Variants in ZFPM2 observed in about 807,000 individuals in gnomAD.
ZFPM2 encodes zinc finger protein, FOG family member 2.
ZFPM2 carries 20 observed loss-of-function variants against 98.6 expected under a neutral mutation model. The ratio of observed to expected loss-of-function variants is 0.20; its 90% CI spans 0.14 to 0.29. The LOEUF is 0.29. ZFPM2 is among the 10% of genes least tolerant of loss of function. The probability of loss-of-function intolerance (pLI) is 1.00; values close to 1 mark genes in which losing one functional copy is unlikely to be tolerated. For synonymous variants in ZFPM2, 518 were observed against 502.7 expected, an observed-to-expected ratio of 1.03 and a Z score of -0.41; for missense variants, 1,310 against 1,388.6, an observed-to-expected ratio of 0.94 and a Z score of 0.90.
intron 5 of ZFPM2, among the ~76,000 whole-genome samples, chr8:105,757,626 T>A (rs1201731266): frequency 6.6e-6 from 1 of 152,186 alleles, no homozygotes; most frequent in East Asian, 1.9e-4. Flanking sequence ...TTGATTTTTT[T>A]AAAGACTTAA....
At chr8:105,436,827 C>T (rs546882088) in intron 2 of ZFPM2, among the ~76,000 whole-genome samples, 1 of 152,192 alleles carries the variant, frequency 6.6e-6, no homozygotes, top group African/African-American at 2.4e-5. Context: ...AAGCATTTAG[C>T]AATATACCTA....
intron 4 of ZFPM2, among the ~76,000 whole-genome samples, chr8:105,593,652 GAAAA>G (rs57938920): frequency 9.1e-6 from 1 of 109,454 alleles, no homozygotes; most frequent in Non-Finnish European, 1.9e-5. Context: ...TCCATTCCAA[GAAAA>G]AAAAAAAAAA....
chr8:105,740,496 C>T (rs1289663279), intron 5 of ZFPM2, among the ~76,000 whole-genome samples: 1 of 148,158 alleles, frequency 6.7e-6, no homozygotes, highest in Non-Finnish European at 1.5e-5. Flanking sequence ...TATCAGAGAA[C>T]TCCCACATAC....
At chr8:105,491,862 T>G (rs1328698650) in intron 3 of ZFPM2, among the ~76,000 whole-genome samples, 1 of 152,212 alleles carries the variant, frequency 6.6e-6, no homozygotes. Context: ...AAATTGATTT[T>G]TTAAAAGAAT....
chr8:105,431,334 T>A (rs1205344997), intron 2 of ZFPM2, among the ~76,000 whole-genome samples: 3 of 152,196 alleles, frequency 2.0e-5, no homozygotes, highest in Non-Finnish European at 4.4e-5. Flanking sequence ...AATGCATAGC[T>A]TTTATTTGCT....
At chr8:105,640,257 A>G (rs1333562115) in intron 5 of ZFPM2, among the ~76,000 whole-genome samples, 3 of 152,034 alleles carry the variant, frequency 2.0e-5, no homozygotes, top group Non-Finnish European at 4.4e-5. Context: ...CCAAGGTTAC[A>G]GGTTATTGCC....
At chr8:105,619,139 A>G (rs1054507041) in intron 4 of ZFPM2, among the ~76,000 whole-genome samples, 10 of 152,132 alleles carry the variant, frequency 6.6e-5, no homozygotes, top group Admixed American at 4.6e-4. Context: ...AGACGGCCTC[A>G]GTGTTATTAA....
At chr8:105,764,550 C>A (rs1489210221) in intron 5 of ZFPM2, among the ~76,000 whole-genome samples, 1 of 151,508 alleles carries the variant, frequency 6.6e-6, no homozygotes, top group Non-Finnish European at 1.5e-5. Context: ...AAAAAAAAAT[C>A]TTCCATGGAT....
intron 2 of ZFPM2, among the ~76,000 whole-genome samples, chr8:105,429,604 C>T (rs1251625396): frequency 6.6e-6 from 1 of 151,464 alleles, no homozygotes; most frequent in Admixed American, 6.6e-5. Flanking sequence ...ATTCTGTACT[C>T]CTATATTCTG....
intron 1 of ZFPM2, among the ~76,000 whole-genome samples, chr8:105,327,387 G>A (rs142247001): frequency 1.9e-4 from 29 of 151,400 alleles, no homozygotes; most frequent in African/African-American, 7.0e-4. Context: ...TTTAATTTCT[G>A]TATTAATTAC....
At position 105,571,391 on chromosome 8, in the gene ZFPM2, G is replaced by T. The variant is rs192059050; in HGVS notation, c.420+9910G>T. 2.3e-3 allele frequency among the ~76,000 whole-genome samples: 353 copies of T among 152,300 alleles called. 2 individuals carry two copies. The highest frequency in any genetic ancestry group is 3.5e-3 in the South Asian group (17 of 4,822). On this transcript the variant is annotated intron_variant, in intron 4 of 7. Transcript: ENST00000407775. ...TTTGTAAAGCATAACTATTGTTTTT[G>T]TAACACAAATTCTAAAATATCAATC...
intron 3 of ZFPM2, among the ~76,000 whole-genome samples, chr8:105,478,125 T>G (rs1239727700): frequency 2.6e-5 from 4 of 152,184 alleles, no homozygotes; most frequent in Non-Finnish European, 5.9e-5. Flanking sequence ...ATTAGACATC[T>G]TCCATCTTAA....
chr8:105,786,697 G>A (rs1813425858), intron 5 of ZFPM2, among the ~76,000 whole-genome samples: 1 of 152,146 alleles, frequency 6.6e-6, no homozygotes, highest in South Asian at 2.1e-4. Flanking sequence ...TTTGAAGTTA[G>A]TATTTTTGAA....
At chr8:105,613,584 TC>T (rs1284435770) in intron 4 of ZFPM2, among the ~76,000 whole-genome samples, 2 of 152,164 alleles carry the variant, frequency 1.3e-5, no homozygotes, top group Non-Finnish European at 2.9e-5. Context: ...GTTTTTGGTA[TC>T]TTTTTAGCGT....
At chr8:105,517,234 AAT>A (rs1479722675) in intron 3 of ZFPM2, among the ~76,000 whole-genome samples, 2 of 152,192 alleles carry the variant, frequency 1.3e-5, no homozygotes, top group Non-Finnish European at 2.9e-5. Context: ...TAAGTAACAA[AAT>A]ATCTTAATGG....
chr8:105,625,187 T>G (rs868074958), intron 4 of ZFPM2, among the ~76,000 whole-genome samples: 1 of 152,208 alleles, frequency 6.6e-6, no homozygotes, highest in Non-Finnish European at 1.5e-5. Flanking sequence ...ACATATTTTC[T>G]AATTTAGGAG....
Position 105,800,905 on chromosome 8 carries a change from G to A in ZFPM2, c.965-142G>A, listed in dbSNP as rs1245114760. ...TCATACACAGTAAGAGATGTCACAA[G>A]AAAACAGTTAATATCACGAATGAAA... On this transcript the variant is annotated intron_variant, in intron 7 of 7. Transcript: ENST00000407775. 15 of 761,016 alleles carry A rather than the reference G, an allele frequency of 2.0e-5. No individual in the cohort carries two copies. The African/African-American group carries it at 2.6e-4, about 13-fold the overall frequency. The allele number at this position is 761,016 out of a possible 1,614,324, so 47.1% of individuals were successfully genotyped here. A position where few individuals can be genotyped will look rare whatever the true frequency, so the allele number is the denominator to read the frequency against.
intron 3 of ZFPM2, among the ~76,000 whole-genome samples, chr8:105,474,870 T>G (rs1311056915): frequency 6.6e-6 from 1 of 151,860 alleles, no homozygotes; most frequent in Non-Finnish European, 1.5e-5. Flanking sequence ...ATCTTTAGCT[T>G]CTTCTTTGCC....
intron 6 of ZFPM2, among the ~76,000 whole-genome samples, chr8:105,791,721 G>T (rs1472345134): frequency 6.6e-6 from 1 of 152,086 alleles, no homozygotes; most frequent in East Asian, 1.9e-4. Flanking sequence ...ATCTGGTCCT[G>T]GACTCTTTTT....
Sources: gnomAD v4.1 joint callset for allele counts (sites outside exome capture counted in the v4.1 genomes callset) on GRCh38, gnomAD v4.1.1 for gene constraint, MANE v1.5 for transcripts, NCBI Gene and HGNC (gene_info 2026-07-23, HGNC 2026-07-21) for gene names.